The following SMAP2 variants were observed in gnomAD, a reference collection of about 807,000 sequenced individuals.
The protein encoded by SMAP2 is stromal membrane-associated protein 2.
In SMAP2, 25 loss-of-function variants were observed where a neutral mutation model predicts 56.4. That is an observed-to-expected ratio of 0.44 (90% CI 0.32 to 0.62). The LOEUF (loss-of-function observed/expected upper bound fraction) is 0.62, where lower values mean the gene tolerates loss of function less well. Ranked by LOEUF, SMAP2 falls within the 20% of genes least tolerant of loss-of-function variation. SMAP2 has a pLI of 0.04. For missense variants in SMAP2, 388 were observed against 545.6 expected, an observed-to-expected ratio of 0.71 and a Z score of 2.88; for synonymous variants, 157 against 181.7, an observed-to-expected ratio of 0.86 and a Z score of 1.09.
chr1:40,398,420 G>A lies in SMAP2; in HGVS notation c.104-8316G>A, dbSNP rs528668677. On this transcript the variant is annotated intron_variant, in intron 1 of 9. Coordinates refer to ENST00000372718, the MANE Select transcript of SMAP2 (RefSeq NM_022733.3). ...ATTTATTCATATTTTAAAAAAAATG[G>A]AATTGTTTCATGTGTACTCTTTTAA... Among the ~76,000 whole-genome samples, 93 of 152,084 alleles carry A rather than the reference G, an allele frequency of 6.1e-4. No homozygotes were observed. In the South Asian group the frequency reaches 0.012, roughly 20 times the overall value.
At chr1:40,398,387 C>A (rs140622153) in intron 1 of SMAP2, among the ~76,000 whole-genome samples, 1 of 147,946 alleles carries the variant, frequency 6.8e-6, no homozygotes. Flanking sequence ...TATCACCACA[C>A]CGAGCTCATT....
At chr1:40,350,039 T>G (rs778960153) in intron 1 of SMAP2, among the ~76,000 whole-genome samples, 4 of 152,126 alleles carry the variant, frequency 2.6e-5, no homozygotes, top group Non-Finnish European at 4.4e-5. Context: ...GCTGTGGGGT[T>G]GAATCTCCCA....
intron 1 of SMAP2, among the ~76,000 whole-genome samples, chr1:40,404,388 T>A (rs1327786395): frequency 1.3e-5 from 2 of 152,158 alleles, no homozygotes; most frequent in Non-Finnish European, 2.9e-5. Flanking sequence ...TTGCCTGTAT[T>A]TCTGTACTGA....
In SMAP2 at chr1:40,422,574, G is replaced by A. The variant is rs901000022; in HGVS notation, c.*473G>A. ...TGTTCTCATGATTTATGGGAATGAA[G>A]CAAGTACTGAAATCAAATTAAATAC... is the stretch of plus-strand genomic sequence containing the variant. On this transcript the variant is annotated 3_prime_UTR_variant, in exon 10 of 10. Transcript: ENST00000372718. 6.3e-6 allele frequency: 1 copy of A among 158,748 alleles called. No homozygotes were observed. The highest frequency in any genetic ancestry group is 2.4e-5 in the African/African-American group (1 of 41,572). 9.8% of individuals were successfully genotyped at this position (158,748 alleles called of 1,614,324 possible). A position where few individuals can be genotyped will look rare whatever the true frequency, so the allele number is the denominator to read the frequency against.
rs1645003795 is a variant in SMAP2, at chr1:40,417,721, G to A, written c.1164+625G>A. Among the ~76,000 whole-genome samples, 3 of 152,082 alleles carry A rather than the reference G, an allele frequency of 2.0e-5. No individual in the cohort carries two copies. The South Asian group carries it at 6.2e-4, about 32-fold the overall frequency. On this transcript the variant is annotated intron_variant, in intron 9 of 9. Coordinates refer to ENST00000372718, the MANE Select transcript of SMAP2 (RefSeq NM_022733.3). ...GGAAAGCATTGCTTCTCGGGGAGAT[G>A]GGCATGGCCTAAAAGGAGGAGGTAC...
intron 7 of SMAP2, 128 bp downstream of exon 7, chr1:40,415,509 C>G (rs545527025): frequency 1.4e-6 from 1 of 708,068 alleles, no homozygotes; most frequent in African/African-American, 1.8e-5. Flanking sequence ...CTTCATTCTT[C>G]CCTTAACATT....
chr1:40,421,724 T>A (rs1645044691), intron 9 of SMAP2, among the ~76,000 whole-genome samples: 1 of 152,178 alleles, frequency 6.6e-6, no homozygotes, highest in Non-Finnish European at 1.5e-5. Flanking sequence ...GTCGACTAGA[T>A]CCAGATGCCA....
chr1:40,356,395 T>G (rs1557821989), intron 1 of SMAP2, among the ~76,000 whole-genome samples: 1 of 150,244 alleles, frequency 6.7e-6, no homozygotes, highest in African/African-American at 2.4e-5. Flanking sequence ...TAGTTTTTTG[T>G]GGGTTTTTTG....
At chr1:40,376,407 G>A (rs927264907) in intron 1 of SMAP2, among the ~76,000 whole-genome samples, 2 of 152,054 alleles carry the variant, frequency 1.3e-5, no homozygotes, top group African/African-American at 2.4e-5. Flanking sequence ...TCAGAAGTTC[G>A]TTTTACATTT....
At chr1:40,391,026 C>CT in intron 1 of SMAP2, among the ~76,000 whole-genome samples, 1 of 152,294 alleles carries the variant, frequency 6.6e-6, no homozygotes, top group South Asian at 2.1e-4. Flanking sequence ...GTTGTGGGCA[C>CT]TGTCCAGGGC....
At chr1:40,419,519 AG>A (rs1201927062) in intron 9 of SMAP2, among the ~76,000 whole-genome samples, 1 of 152,128 alleles carries the variant, frequency 6.6e-6, no homozygotes, top group Non-Finnish European at 1.5e-5. Flanking sequence ...TCCTGACCTC[AG>A]GTGATCCACC....
chr1:40,393,136 T>G (rs897157494), intron 1 of SMAP2, among the ~76,000 whole-genome samples: 6 of 151,954 alleles, frequency 3.9e-5, no homozygotes, highest in African/African-American at 1.5e-4. Flanking sequence ...TAGTATAATT[T>G]TATTGTTGTT....
chr1:40,355,099 T>C (rs562909792), intron 1 of SMAP2, among the ~76,000 whole-genome samples: 6 of 152,110 alleles, frequency 3.9e-5, no homozygotes, highest in East Asian at 3.9e-4. Context: ...CCTGGCCTCA[T>C]TGAAGGTTTT....
intron 9 of SMAP2, among the ~76,000 whole-genome samples, chr1:40,417,562 C>A (rs893865870): frequency 6.6e-6 from 1 of 152,242 alleles, no homozygotes; most frequent in East Asian, 1.9e-4. Context: ...AGTAACCCCC[C>A]AGAAGGAGAA....
intron 1 of SMAP2, among the ~76,000 whole-genome samples, chr1:40,348,658 CAGAG>C (rs1205139132): frequency 6.6e-6 from 1 of 151,652 alleles, no homozygotes; most frequent in Admixed American, 6.6e-5. Context: ...GCCTGGGTGA[CAGAG>C]GGAGACTCTG....
At chr1:40,416,152 T>TC (rs762476540) in intron 7 of SMAP2, 24 bp from the exon 8 acceptor site, 32 of 1,603,660 alleles carry the variant, frequency 2.0e-5, no homozygotes, top group Non-Finnish European at 2.5e-5. Flanking sequence ...ATTTCAATTC[T>TC]CCCCCCGCCC....
At chr1:40,403,100 T>C (rs1644851670) in intron 1 of SMAP2, among the ~76,000 whole-genome samples, 1 of 152,218 alleles carries the variant, frequency 6.6e-6, no homozygotes, top group Non-Finnish European at 1.5e-5. Flanking sequence ...GCTTAAATTT[T>C]CATGTTGCCT....
At chr1:40,412,817 C>A (rs932272155) in intron 4 of SMAP2, among the ~76,000 whole-genome samples, 199 bp from the exon 5 acceptor site, 4 of 152,152 alleles carry the variant, frequency 2.6e-5, no homozygotes, top group Non-Finnish European at 1.5e-5. Context: ...TTGGAAGACG[C>A]CTCGTACAGC....
upstream of SMAP2, among the ~76,000 whole-genome samples, chr1:40,371,128 G>A (rs1444517198): frequency 6.6e-6 from 1 of 151,828 alleles, no homozygotes; most frequent in Non-Finnish European, 1.5e-5. Context: ...AGCCGAGATC[G>A]CACCACTGCA....
Sources: gnomAD v4.1 joint callset for allele counts (sites outside exome capture counted in the v4.1 genomes callset) on GRCh38, gnomAD v4.1.1 for gene constraint, MANE v1.5 for transcripts, NCBI Gene and HGNC (gene_info 2026-07-23, HGNC 2026-07-21) for gene names.